GRIN2A: variants seen among roughly 807,000 people sequenced by gnomAD.
GRIN2A encodes glutamate ionotropic receptor NMDA type subunit 2A, also known as glutamate receptor ionotropic, NMDA 2A.
GRIN2A carries 22 observed loss-of-function variants against 113.4 expected under a neutral mutation model. The observed-to-expected ratio is 0.19, with a 90% CI of 0.14 to 0.28. The LOEUF (loss-of-function observed/expected upper bound fraction) is 0.28, where lower values mean the gene tolerates loss of function less well. GRIN2A is among the 10% of genes least tolerant of loss of function. The pLI is 1.00. For missense variants in GRIN2A, 1,502 were observed against 1,887.0 expected, an observed-to-expected ratio of 0.80 and a Z score of 3.78; for synonymous variants, 827 against 738.4, an observed-to-expected ratio of 1.12 and a Z score of -1.94.
intron 2 of GRIN2A, among the ~76,000 whole-genome samples, chr16:9,980,498 AAG>A (rs1279225656): frequency 1.3e-5 from 2 of 152,174 alleles, no homozygotes; most frequent in East Asian, 3.9e-4. Flanking sequence ...TATATACCCA[AAG>A]GATTATAAAT....
intron 10 of GRIN2A, among the ~76,000 whole-genome samples, chr16:9,822,012 C>T (rs1006439701): frequency 2.0e-5 from 3 of 152,296 alleles, no homozygotes; most frequent in African/African-American, 7.2e-5. Context: ...ACTTCTTTAT[C>T]AGTTTAAGAA....
chr16:9,982,980 A>G (rs1324301918), intron 2 of GRIN2A, among the ~76,000 whole-genome samples: 2 of 152,166 alleles, frequency 1.3e-5, no homozygotes, highest in Admixed American at 6.5e-5. Context: ...GTTCATACTG[A>G]TACTTTTTAA....
chr16:10,102,771 G>C (rs190552538), intron 2 of GRIN2A, among the ~76,000 whole-genome samples: 58 of 152,234 alleles, frequency 3.8e-4, no homozygotes, highest in African/African-American at 1.3e-3. Flanking sequence ...AGAGAGGTTA[G>C]GTAACTTGTC....
intron 2 of GRIN2A, among the ~76,000 whole-genome samples, chr16:9,989,356 G>T (rs2046053265): frequency 6.6e-6 from 1 of 152,074 alleles, no homozygotes; most frequent in Admixed American, 6.6e-5. Flanking sequence ...GCTAAATCTG[G>T]ACCCCTATCT....
At chr16:9,843,126 A>G (rs749549895) in intron 5 of GRIN2A, among the ~76,000 whole-genome samples, 1 of 152,082 alleles carries the variant, frequency 6.6e-6, no homozygotes, top group Non-Finnish European at 1.5e-5. Flanking sequence ...GAGGAAAGGA[A>G]GAAAGGAAAG....
intron 2 of GRIN2A, among the ~76,000 whole-genome samples, chr16:9,940,775 C>T (rs909333104): frequency 6.6e-6 from 1 of 152,182 alleles, no homozygotes; most frequent in African/African-American, 2.4e-5. Context: ...CCATCCAATA[C>T]CCAACCTATA....
rs150487431 is a variant in GRIN2A at position 9,764,118 on chromosome 16, G to A, written c.3426C>T (p.Pro1142=). ...PPQFVENVTL[P]ENVDFPDPYQ... ...AGGGGTCCGGGAAGTCCACGTTCTC[G>A]GGCAGGGTCACATTTTCAACAAACT... The change falls in exon 13 of 13, where the codon CCC becomes CCT. Residue 1142 remains proline, a synonymous_variant. Transcript: ENST00000330684. The A allele has an allele frequency of 3.7e-5, 60 of 1,613,610 alleles. No homozygotes were observed. The highest frequency in any genetic ancestry group is 2.7e-4 in the African/African-American group (20 of 74,888).
chr16:9,851,726 C>T (rs562030570), intron 4 of GRIN2A, among the ~76,000 whole-genome samples: 2 of 152,276 alleles, frequency 1.3e-5, no homozygotes, highest in East Asian at 3.9e-4. Context: ...GCTTCATCCA[C>T]TAGCTGAGTA....
rs188313936 is a variant in GRIN2A at position 9,827,854 on chromosome 16, T to A, written c.2007+1569A>T. Among the ~76,000 whole-genome samples the A allele has an allele frequency of 5.9e-5, 9 of 152,318 alleles. No homozygotes were observed. The East Asian group carries it at 1.5e-3, about 26-fold the overall frequency. On this transcript the variant is annotated intron_variant, in intron 9 of 12. Coordinates refer to ENST00000330684, the MANE Select transcript of GRIN2A (RefSeq NM_001134407.3). ...AAGTGCAAAATAACTCTATCAAAAC[T>A]ACATCCCTGAGGGCCTCTTCCCCCA...
intron 2 of GRIN2A, among the ~76,000 whole-genome samples, chr16:10,006,021 T>A (rs1037951906): frequency 5.9e-5 from 9 of 152,216 alleles, no homozygotes; most frequent in African/African-American, 2.2e-4. Context: ...TGTTTTCCTT[T>A]CAGTGAAGAT....
intron 2 of GRIN2A, among the ~76,000 whole-genome samples, chr16:9,973,405 T>A (rs963077660): frequency 6.6e-6 from 1 of 152,174 alleles, no homozygotes; most frequent in Non-Finnish European, 1.5e-5. Flanking sequence ...CAAGATGAAG[T>A]CACTTAAGTC....
intron 2 of GRIN2A, among the ~76,000 whole-genome samples, chr16:10,004,313 C>T (rs887974113): frequency 6.6e-6 from 1 of 151,008 alleles, no homozygotes; most frequent in East Asian, 2.0e-4. Flanking sequence ...CGCTTGAACC[C>T]GGGAGGCAGA....
rs1370113420 is a variant in GRIN2A at position 9,754,634 on chromosome 16, A to G, written c.*8515T>C. The G allele has an allele frequency of 4.7e-6, 1 of 214,764 alleles. No homozygotes were observed. Among genetic ancestry groups the G allele is most frequent in the Non-Finnish European group, 9.4e-6 (1 of 106,506 alleles). The allele number at this position is 214,764 out of a possible 1,614,324, so 13.3% of individuals were successfully genotyped here. ...AGCTTTTCTACAAACTTAATAAACT[A>G]AAGATTTAAAAAAATTTAAAAAAGA... On this transcript the variant is annotated 3_prime_UTR_variant, in exon 13 of 13. Transcript: ENST00000330684.
At chr16:9,826,415 C>T (rs1284948383) in intron 9 of GRIN2A, among the ~76,000 whole-genome samples, 1 of 152,144 alleles carries the variant, frequency 6.6e-6, no homozygotes, top group Non-Finnish European at 1.5e-5. Context: ...ATTTAAGTCC[C>T]AGCTCATCTG....
intron 11 of GRIN2A, 67 bp from the exon 12 acceptor site, chr16:9,769,156 G>T: frequency 1.6e-6 from 2 of 1,244,016 alleles, no homozygotes; most frequent in Non-Finnish European, 1.2e-6. Context: ...GACGCTTCTG[G>T]GTTTGGAACA....
chr16:10,051,336 G>A (rs2047356509), intron 2 of GRIN2A, among the ~76,000 whole-genome samples: 1 of 152,166 alleles, frequency 6.6e-6, no homozygotes, highest in Non-Finnish European at 1.5e-5. Context: ...GACACCTCCT[G>A]CATGGGTCTC....
In GRIN2A at chr16:10,073,320, G is replaced by A. The variant is rs77375941; in HGVS notation, c.414+106678C>T. On this transcript the variant is annotated intron_variant, in intron 2 of 12. Transcript: ENST00000330684. ...AAGATGGAAAGTGCTTGCAGGCAAG[G>A]CCCATGGAAGACAGAAAAATCATTT... Among the ~76,000 whole-genome samples, 18 of 152,230 alleles carry A rather than the reference G, an allele frequency of 1.2e-4. No homozygotes were observed. In the East Asian group the frequency reaches 2.9e-3, roughly 24 times the overall value.
At chr16:9,773,930 G>A (rs1901441805) in intron 11 of GRIN2A, among the ~76,000 whole-genome samples, 1 of 152,118 alleles carries the variant, frequency 6.6e-6, no homozygotes, top group Non-Finnish European at 1.5e-5. Context: ...CCGTCAGAGA[G>A]ATGCAGAATC....
chr16:9,770,053 T>C (rs1051109762), intron 11 of GRIN2A, among the ~76,000 whole-genome samples: 1 of 152,208 alleles, frequency 6.6e-6, no homozygotes, highest in Non-Finnish European at 1.5e-5. Context: ...AGAGTAGGCA[T>C]GCTTAGAATT....
Sources: allele counts gnomAD v4.1 joint callset (sites outside exome capture counted in the v4.1 genomes callset), GRCh38; gene constraint gnomAD v4.1.1; transcripts MANE v1.5; gene names NCBI Gene and HGNC (gene_info 2026-07-23, HGNC 2026-07-21).